The following NIPAL2 variants were observed in gnomAD, a reference collection of about 807,000 sequenced individuals.
The protein encoded by NIPAL2 is NIPA like domain containing 2, also known as NIPA-like protein 2.
Under a neutral mutation model 48.9 loss-of-function variants are expected in NIPAL2, and 43 were observed. The observed-to-expected ratio is 0.88, with a 90% CI of 0.69 to 1.13. The LOEUF is 1.13. Among genes scored for constraint, NIPAL2 ranks in the 50% most tolerant of loss-of-function variants. The probability of loss-of-function intolerance (pLI) is 0.00; values close to 1 mark genes in which losing one functional copy is unlikely to be tolerated. For synonymous variants in NIPAL2, 167 were observed against 174.6 expected, an observed-to-expected ratio of 0.96 and a Z score of 0.34; for missense variants, 446 against 461.4, an observed-to-expected ratio of 0.97 and a Z score of 0.31.
chr8:98,261,258 A>G (rs537599007), intron 1 of NIPAL2, among the ~76,000 whole-genome samples: 170 of 149,956 alleles, frequency 1.1e-3, no homozygotes, highest in Non-Finnish European at 1.9e-3. Context: ...CTCACCAGCA[A>G]CGGAACAAAG....
At chr8:98,198,487 C>T (rs1476636549) in intron 8 of NIPAL2, among the ~76,000 whole-genome samples, 9 of 152,242 alleles carry the variant, frequency 5.9e-5, no homozygotes, top group Admixed American at 5.2e-4. Context: ...CAGACATTTA[C>T]TTCTCCTCTT....
At chr8:98,246,829 C>T (rs1012642891) in intron 3 of NIPAL2, among the ~76,000 whole-genome samples, 3 of 152,124 alleles carry the variant, frequency 2.0e-5, no homozygotes, top group African/African-American at 4.8e-5. Context: ...CCTCCTTGCC[C>T]CTGCAATGAT....
intron 4 of NIPAL2, among the ~76,000 whole-genome samples, chr8:98,228,019 C>T (rs1223693508): frequency 6.6e-6 from 1 of 152,220 alleles, no homozygotes; most frequent in Admixed American, 6.5e-5. Flanking sequence ...GTGTTGGCAG[C>T]ATTGAGTTCC....
At position 98,252,477 on chromosome 8, in the gene NIPAL2, CA is replaced by C. The variant is rs1351172296; in HGVS notation, c.361del (p.Cys121ValfsTer15). 9 of 1,609,804 alleles carry C rather than the reference CA, an allele frequency of 5.6e-6. No homozygotes were observed. Among genetic ancestry groups the C allele is most frequent in the Admixed American group, 3.4e-5 (2 of 58,894 alleles). ...APITLIAPLG[C>X]VSVTGSAIIS... ...GAATGGCTTACCTGTAACAGACACA[CA>C]GCCTAACGGAGCGATCAGAGTAATG... On this transcript the variant is annotated frameshift_variant, in exon 3 of 11. Transcript: ENST00000430223. LOFTEE classifies it high-confidence loss of function.
intron 3 of NIPAL2, among the ~76,000 whole-genome samples, chr8:98,244,940 A>C (rs1295055840): frequency 6.6e-6 from 1 of 152,182 alleles, no homozygotes; most frequent in African/African-American, 2.4e-5. Flanking sequence ...CTGGACATTC[A>C]ATTTATTACG....
intron 3 of NIPAL2, among the ~76,000 whole-genome samples, chr8:98,251,232 C>G (rs766881722): frequency 6.6e-6 from 1 of 152,044 alleles, no homozygotes; most frequent in African/African-American, 2.4e-5. Context: ...GCATGACATA[C>G]ACTGTCATTA....
At chr8:98,240,143 A>G (rs946465750) in intron 3 of NIPAL2, among the ~76,000 whole-genome samples, 6 of 152,264 alleles carry the variant, frequency 3.9e-5, no homozygotes, top group Admixed American at 3.9e-4. Flanking sequence ...TGTACTAGTT[A>G]TGGTTAAACC....
At chr8:98,196,551 T>G (rs1325678187) in intron 8 of NIPAL2, among the ~76,000 whole-genome samples, 3 of 152,256 alleles carry the variant, frequency 2.0e-5, no homozygotes, top group Non-Finnish European at 4.4e-5. Context: ...TACTTCCCAC[T>G]GCCAAGCCCC....
At position 98,194,716 on chromosome 8, in the gene NIPAL2, A is replaced by G. The variant is rs1270561962; in HGVS notation, c.1039+12T>C. Reference sequence around the variant, plus strand: ...GATCAAATTTTCCACTATAAAGAATATATGATTTTACCAGGAATATTTCCA... The same window carrying G: ...GATCAAATTTTCCACTATAAAGAATGTATGATTTTACCAGGAATATTTCCA... On this transcript the variant is annotated intron_variant, in intron 10 of 10. Transcript: ENST00000430223. 1.4e-6 allele frequency: 2 copies of G among 1,478,336 alleles called. No homozygotes were observed. The highest frequency in any genetic ancestry group is 9.2e-7 in the Non-Finnish European group (1 of 1,091,674). 91.6% of individuals were successfully genotyped at this position (1,478,336 alleles called of 1,614,324 possible). A position where few individuals can be genotyped will look rare whatever the true frequency, so the allele number is the denominator to read the frequency against.
chr8:98,209,507 A>T (rs1361599258), intron 6 of NIPAL2, among the ~76,000 whole-genome samples: 1 of 149,764 alleles, frequency 6.7e-6, no homozygotes, highest in Non-Finnish European at 1.5e-5. Context: ...AGTCCCAGCT[A>T]CTCAGGAGGC....
At chr8:98,214,176 T>C (rs1365450612) in intron 5 of NIPAL2, among the ~76,000 whole-genome samples, 1 of 152,030 alleles carries the variant, frequency 6.6e-6, no homozygotes, top group East Asian at 1.9e-4. Flanking sequence ...TCTTTTTTTT[T>C]TTTTTGAGAT....
chr8:98,203,816 A>T (rs1226789093), intron 7 of NIPAL2, among the ~76,000 whole-genome samples: 1 of 150,792 alleles, frequency 6.6e-6, no homozygotes, highest in Non-Finnish European at 1.5e-5. Flanking sequence ...TACTCTAGAG[A>T]AATTGAAAAA....
intron 5 of NIPAL2, among the ~76,000 whole-genome samples, chr8:98,213,816 C>A (rs1028484057): frequency 6.6e-6 from 1 of 152,114 alleles, no homozygotes; most frequent in Non-Finnish European, 1.5e-5. Context: ...TCCTGTCACA[C>A]CCCCAGCTTC....
chr8:98,283,570 G>GT (rs1373798408), intron 1 of NIPAL2, among the ~76,000 whole-genome samples: 1 of 152,130 alleles, frequency 6.6e-6, no homozygotes, highest in African/African-American at 2.4e-5. Flanking sequence ...TATTATAATA[G>GT]TTTTAACAAC....
intron 5 of NIPAL2, among the ~76,000 whole-genome samples, chr8:98,221,771 T>A (rs1811900278): frequency 6.6e-6 from 1 of 152,140 alleles, no homozygotes; most frequent in African/African-American, 2.4e-5. Flanking sequence ...AGAATGGCGA[T>A]CATTAAAAAG....
rs116466533 is a variant in NIPAL2, at chr8:98,250,289, G to C, written c.376+2174C>G. Among the ~76,000 whole-genome samples, 483 of 152,268 alleles carry C rather than the reference G, an allele frequency of 3.2e-3. 1 individual carries two copies. Among genetic ancestry groups the C allele is most frequent in the African/African-American group, 0.011 (455 of 41,538 alleles). On this transcript the variant is annotated intron_variant, in intron 3 of 10. Transcript: ENST00000430223. ...AGAAAAAAAGTTATAACATAGGAAA[G>C]TGTGGATTTTCTGCTTCATCTGTAG...
chr8:98,242,702 T>C (rs1586383352), intron 3 of NIPAL2, among the ~76,000 whole-genome samples: 1 of 152,180 alleles, frequency 6.6e-6, no homozygotes, highest in South Asian at 2.1e-4. Context: ...GCCAGGCTGG[T>C]TCTGAGCTCC....
At chr8:98,233,950 T>A (rs1441725868) in intron 4 of NIPAL2, among the ~76,000 whole-genome samples, 1 of 152,218 alleles carries the variant, frequency 6.6e-6, no homozygotes, top group East Asian at 1.9e-4. Flanking sequence ...TCAAATGTTA[T>A]CTCTGCTGTA....
chr8:98,205,490 T>TA (rs1184691054), intron 6 of NIPAL2, among the ~76,000 whole-genome samples: 19 of 152,056 alleles, frequency 1.2e-4, no homozygotes, highest in Middle Eastern at 3.4e-3. Context: ...TTTTTTTTTT[T>TA]ATCTGTGGAG....
Sources: gnomAD v4.1 joint callset for allele counts (sites outside exome capture counted in the v4.1 genomes callset) on GRCh38, gnomAD v4.1.1 for gene constraint, MANE v1.5 for transcripts, NCBI Gene and HGNC (gene_info 2026-07-23, HGNC 2026-07-21) for gene names.